Variants in CCDC83 observed in about 807,000 individuals in gnomAD.
CCDC83 encodes the protein coiled-coil domain containing 83.
CCDC83 carries 54 observed loss-of-function variants against 50.1 expected under a neutral mutation model. The observed-to-expected ratio is 1.08, with a 90% confidence interval of 0.87 to 1.35. The LOEUF (loss-of-function observed/expected upper bound fraction) is 1.35, where lower values mean the gene tolerates loss of function less well. Among genes scored for constraint, CCDC83 ranks in the 40% most tolerant of loss-of-function variants. The probability of loss-of-function intolerance (pLI) is 0.00; values close to 1 mark genes in which losing one functional copy is unlikely to be tolerated. For missense variants in CCDC83, 518 were observed against 473.9 expected, an observed-to-expected ratio of 1.09 and a Z score of -0.86; for synonymous variants, 161 against 153.3, an observed-to-expected ratio of 1.05 and a Z score of -0.37.
intron 7 of CCDC83, among the ~76,000 whole-genome samples, chr11:85,905,214 G>A (rs1592186757): frequency 6.6e-6 from 1 of 151,268 alleles, no homozygotes; most frequent in African/African-American, 2.4e-5. Context: ...AGGCTGAGGT[G>A]AGAGGATCAC....
chr11:85,874,627 T>C lies in CCDC83; in HGVS notation c.180+1332T>C, dbSNP rs149042791. ...AATTTAAACCACCATCTCTTACTCA[T>C]CCTTCCCTCAAAGTACATTTTCCAC... On this transcript the variant is annotated intron_variant, in intron 3 of 10. Transcript: ENST00000342404. Among the ~76,000 whole-genome samples the C allele has an allele frequency of 1.6e-3, 239 of 152,304 alleles. 1 individual carries two copies. The highest frequency in any genetic ancestry group is 0.01 in the Middle Eastern group (3 of 294).
At chr11:85,911,778 T>G (rs2093455820) in intron 8 of CCDC83, among the ~76,000 whole-genome samples, 1 of 152,168 alleles carries the variant, frequency 6.6e-6, no homozygotes, top group African/African-American at 2.4e-5. Context: ...GTGATCCACT[T>G]GCTGGAAGTT....
intron 3 of CCDC83, among the ~76,000 whole-genome samples, chr11:85,874,352 A>T (rs2093257166): frequency 6.6e-6 from 1 of 152,224 alleles, no homozygotes; most frequent in Non-Finnish European, 1.5e-5. Flanking sequence ...CACATCCTCC[A>T]GTGATCAGCA....
chr11:85,917,431 G>A (rs183733968), intron 10 of CCDC83, among the ~76,000 whole-genome samples: 1 of 152,306 alleles, frequency 6.6e-6, no homozygotes, highest in East Asian at 1.9e-4. Flanking sequence ...CATCTTGATG[G>A]AGGAAGGTCA....
intron 3 of CCDC83, among the ~76,000 whole-genome samples, chr11:85,874,180 G>A (rs1315629291): frequency 6.6e-6 from 1 of 152,208 alleles, no homozygotes; most frequent in East Asian, 1.9e-4. Flanking sequence ...GATAAGACAA[G>A]CCAGTAATAT....
intron 8 of CCDC83, among the ~76,000 whole-genome samples, chr11:85,911,836 G>A (rs191079413): frequency 3.5e-4 from 53 of 152,192 alleles, no homozygotes; most frequent in Non-Finnish European, 5.1e-4. Context: ...TATTTCTTTC[G>A]GTTGAAAGAG....
intron 7 of CCDC83, among the ~76,000 whole-genome samples, chr11:85,900,817 C>A (rs1220198126): frequency 6.6e-6 from 1 of 152,140 alleles, no homozygotes; most frequent in African/African-American, 2.4e-5. Context: ...CTAATCCCAG[C>A]ACTTTGGGAG....
intron 5 of CCDC83, among the ~76,000 whole-genome samples, chr11:85,887,659 CATAT>C (rs145805921): frequency 2.7e-5 from 4 of 148,616 alleles, no homozygotes; most frequent in African/African-American, 4.9e-5. Context: ...ATATTCTATG[CATAT>C]ATATATATAT....
intron 1 of CCDC83, among the ~76,000 whole-genome samples, chr11:85,861,977 C>T (rs57534090): frequency 0.17 from 23,177 of 135,354 alleles, 2,054 homozygotes; most frequent in Middle Eastern, 0.21. Context: ...GCTTGGGCGA[C>T]GGAGCCAGAC....
At chr11:85,907,638 C>G (rs2093431619) in intron 7 of CCDC83, among the ~76,000 whole-genome samples, 2 of 152,188 alleles carry the variant, frequency 1.3e-5, no homozygotes, top group South Asian at 4.1e-4. Flanking sequence ...ACTTCTTCCT[C>G]CTTTTTACTT....
chr11:85,859,455 A>G (rs1201292618), intron 1 of CCDC83, among the ~76,000 whole-genome samples: 1 of 152,202 alleles, frequency 6.6e-6, no homozygotes, highest in Non-Finnish European at 1.5e-5. Flanking sequence ...ACAACATGGT[A>G]CTGTTACAAA....
chr11:85,870,345 T>C (rs933590390), intron 2 of CCDC83, among the ~76,000 whole-genome samples: 1 of 152,232 alleles, frequency 6.6e-6, no homozygotes, highest in Non-Finnish European at 1.5e-5. Flanking sequence ...AGACCACATC[T>C]TGAGATTCAT....
rs1326884507 is a variant in CCDC83 at position 85,882,512 on chromosome 11, G to C, written c.181-1G>C. The stretch of plus-strand genomic sequence containing the variant: ...TGAATTACTGTTGATTTTCATGACA[G>C]AATAGCCGCTTAAAAGAAGAACAGA... On this transcript the variant is annotated splice_acceptor_variant, in intron 3 of 10. Transcript: ENST00000342404. LOFTEE classifies it high-confidence loss of function. 1 of 1,613,244 alleles carries C rather than the reference G, an allele frequency of 6.2e-7. No individual in the cohort carries two copies. Among genetic ancestry groups the C allele is most frequent in the Admixed American group, 1.7e-5 (1 of 59,832 alleles).
intron 2 of CCDC83, among the ~76,000 whole-genome samples, chr11:85,866,705 G>A (rs770469693): frequency 6.6e-6 from 1 of 151,762 alleles, no homozygotes; most frequent in Non-Finnish European, 1.5e-5. Flanking sequence ...TATAATAAAG[G>A]TACTATAAAA....
intron 1 of CCDC83, among the ~76,000 whole-genome samples, chr11:85,862,607 C>T (rs556747630): frequency 6.6e-6 from 1 of 152,196 alleles, no homozygotes; most frequent in African/African-American, 2.4e-5. Context: ...CTGACAGATT[C>T]GACGTCTATT....
chr11:85,877,815 T>C (rs890736439), intron 3 of CCDC83, among the ~76,000 whole-genome samples: 1 of 152,124 alleles, frequency 6.6e-6, no homozygotes, highest in Non-Finnish European at 1.5e-5. Flanking sequence ...ATTCAAAACA[T>C]AGTTGATAAA....
intron 5 of CCDC83, among the ~76,000 whole-genome samples, chr11:85,893,904 G>A (rs544393521): frequency 6.6e-6 from 1 of 152,168 alleles, no homozygotes; most frequent in South Asian, 2.1e-4. Flanking sequence ...CTTACATACT[G>A]TTTGGCATAC....
chr11:85,915,599 G>C (rs1405802407), intron 9 of CCDC83, 101 bp downstream of exon 9: 1 of 758,830 alleles, frequency 1.3e-6, no homozygotes. Context: ...ACATACAAAA[G>C]CTATTCAGAG....
intron 3 of CCDC83, among the ~76,000 whole-genome samples, chr11:85,880,142 G>A (rs2093291824): frequency 6.6e-6 from 1 of 151,922 alleles, no homozygotes; most frequent in Non-Finnish European, 1.5e-5. Flanking sequence ...TTTGCCCCCT[G>A]ACCCAAAGAA....
Sources: gnomAD v4.1 joint callset for allele counts (sites outside exome capture counted in the v4.1 genomes callset) on GRCh38, gnomAD v4.1.1 for gene constraint, MANE v1.5 for transcripts, NCBI Gene and HGNC (gene_info 2026-07-23, HGNC 2026-07-21) for gene names.